PPP2R2B: variants seen among roughly 807,000 people sequenced by gnomAD.
PPP2R2B encodes protein phosphatase 2 regulatory subunit Bbeta.
Under a neutral mutation model 46.0 loss-of-function variants are expected in PPP2R2B, and 5 were observed. That is an observed-to-expected ratio of 0.11 (90% CI 0.06 to 0.23). The LOEUF (loss-of-function observed/expected upper bound fraction) is 0.23, where lower values mean the gene tolerates loss of function less well. Among genes scored for constraint, PPP2R2B ranks in the 10% least tolerant of loss-of-function variants. PPP2R2B has a pLI of 1.00. For missense variants in PPP2R2B, 367 were observed against 575.0 expected, an observed-to-expected ratio of 0.64 and a Z score of 3.70; for synonymous variants, 215 against 206.7, an observed-to-expected ratio of 1.04 and a Z score of -0.34.
intron 2 of PPP2R2B, among the ~76,000 whole-genome samples, chr5:146,749,591 TTTTTC>T (rs1394317653): frequency 7.9e-5 from 12 of 151,796 alleles, no homozygotes; most frequent in East Asian, 5.8e-4. Flanking sequence ...AGATTTCCTT[TTTTTC>T]TTTTCTTTTC....
chr5:146,988,850 C>T (rs969780122), intron 1 of PPP2R2B, among the ~76,000 whole-genome samples: 20 of 151,418 alleles, frequency 1.3e-4, no homozygotes, highest in East Asian at 3.9e-4. Flanking sequence ...ACAGACAAAA[C>T]GAATAATCCT....
In PPP2R2B at chr5:146,761,752, T is replaced by C. The variant is rs138466696; in HGVS notation, c.71-60610A>G. Among the ~76,000 whole-genome samples the C allele has an allele frequency of 3.6e-3, 555 of 152,302 alleles. 6 individuals are homozygous for C. Among genetic ancestry groups the C allele is most frequent in the African/African-American group, 0.013 (530 of 41,550 alleles). On this transcript the variant is annotated intron_variant, in intron 2 of 9. Transcript: ENST00000394411. Reference sequence around the variant, plus strand: ...AACCTCAGTTTTCTGATCAATAAGATGGAAAATAATAATTACAGTATGAGG... The same window carrying C: ...AACCTCAGTTTTCTGATCAATAAGACGGAAAATAATAATTACAGTATGAGG...
chr5:146,862,931 T>A (rs1403300541), intron 2 of PPP2R2B, among the ~76,000 whole-genome samples: 1 of 149,266 alleles, frequency 6.7e-6, no homozygotes, highest in African/African-American at 2.5e-5. Flanking sequence ...ATAGGAAAAA[T>A]TCTGATCAGA....
chr5:146,885,088 G>A (rs547752239), intron 1 of PPP2R2B, among the ~76,000 whole-genome samples: 1 of 152,208 alleles, frequency 6.6e-6, no homozygotes, highest in Admixed American at 6.5e-5. Flanking sequence ...GCAAATTATT[G>A]ATTCATTTAT....
intron 1 of PPP2R2B, among the ~76,000 whole-genome samples, chr5:147,003,600 C>T (rs1754291227): frequency 6.6e-6 from 1 of 152,130 alleles, no homozygotes; most frequent in African/African-American, 2.4e-5. Context: ...GTATCTTAGT[C>T]AAGTAAACAA....
chr5:146,665,083 G>A (rs1202691742), intron 5 of PPP2R2B, among the ~76,000 whole-genome samples: 3 of 152,130 alleles, frequency 2.0e-5, no homozygotes, highest in Non-Finnish European at 4.4e-5. Flanking sequence ...AGGGCCCCAG[G>A]ACTTTCAGAA....
intron 1 of PPP2R2B, among the ~76,000 whole-genome samples, chr5:147,038,796 G>GA (rs976342033): frequency 4.6e-5 from 7 of 152,120 alleles, no homozygotes; most frequent in African/African-American, 1.2e-4. Context: ...CTAGTAGGTA[G>GA]AAAAATCCAG....
intron 2 of PPP2R2B, among the ~76,000 whole-genome samples, chr5:146,859,927 T>C (rs1336219459): frequency 6.6e-6 from 1 of 151,944 alleles, no homozygotes; most frequent in Non-Finnish European, 1.5e-5. Flanking sequence ...AGAAATTCTA[T>C]CTGAAGTTTA....
intron 6 of PPP2R2B, among the ~76,000 whole-genome samples, chr5:146,647,370 T>G (rs1294486925): frequency 1.3e-5 from 2 of 152,174 alleles, no homozygotes; most frequent in Non-Finnish European, 2.9e-5. Context: ...GTGGCTGGTA[T>G]TTTTCTGAGA....
In PPP2R2B at chr5:146,934,381, G is replaced by A. The variant is rs564710931; in HGVS notation, c.79+121284C>T. 3.3e-5 allele frequency among the ~76,000 whole-genome samples: 5 copies of A among 151,300 alleles called. No individual in the cohort carries two copies. In the East Asian group the frequency reaches 9.7e-4, roughly 29 times the overall value. ...TTTTTAATGATTGCCATTCTAACTG[G>A]TGTGAGATGATATCTCATTGTGGTT... On this transcript the variant is annotated intron_variant, in intron 1 of 8. Transcript: ENST00000336640.
In PPP2R2B at chr5:147,023,888, T is replaced by C. The variant is rs1755400931; in HGVS notation, c.79+31777A>G. Among the ~76,000 whole-genome samples, 4 of 151,826 alleles carry C rather than the reference T, an allele frequency of 2.6e-5. No individual in the cohort carries two copies. In the South Asian group the frequency reaches 6.2e-4, roughly 24 times the overall value. On this transcript the variant is annotated intron_variant, in intron 1 of 8. Coordinates refer to the PPP2R2B transcript ENST00000336640. ...TTTGCTCTTTCCTGGAGATGGGACA[T>C]CCATCTTTTGCCCCCAGGCATCAAA...
chr5:146,648,985 G>A, intron 6 of PPP2R2B, among the ~76,000 whole-genome samples: 1 of 152,264 alleles, frequency 6.6e-6, no homozygotes, highest in Non-Finnish European at 1.5e-5. Context: ...CTACTGGAAT[G>A]TTTTTTATCA....
intron 5 of PPP2R2B, among the ~76,000 whole-genome samples, chr5:146,672,557 C>T (rs894244653): frequency 1.3e-5 from 2 of 152,076 alleles, no homozygotes; most frequent in Non-Finnish European, 2.9e-5. Flanking sequence ...AGACTTTGTT[C>T]GCATGTACCA....
intron 4 of PPP2R2B, among the ~76,000 whole-genome samples, chr5:146,695,910 A>T (rs952973375): frequency 1.3e-5 from 2 of 152,174 alleles, no homozygotes; most frequent in Non-Finnish European, 2.9e-5. Flanking sequence ...GAACATGGGA[A>T]TTTTTCTTAG....
At chr5:146,862,832 A>AC (rs1247363473) in intron 2 of PPP2R2B, among the ~76,000 whole-genome samples, 7 of 150,556 alleles carry the variant, frequency 4.6e-5, no homozygotes, top group African/African-American at 9.8e-5. Context: ...TGAGTGACTC[A>AC]AAGGCAACCT....
intron 2 of PPP2R2B, among the ~76,000 whole-genome samples, chr5:146,806,056 T>G (rs1231491678): frequency 2.0e-5 from 3 of 152,214 alleles, no homozygotes; most frequent in African/African-American, 7.2e-5. Context: ...GATAACATTT[T>G]ACTCATCCTG....
rs987280009 is a variant in PPP2R2B at position 146,586,611 on chromosome 5, G to A, written c.*3336C>T. 6.6e-6 allele frequency: 1 copy of A among 152,146 alleles called. No homozygotes were observed. Among genetic ancestry groups the A allele is most frequent in the Non-Finnish European group, 1.5e-5 (1 of 68,026 alleles). The allele number at this position is 152,146 out of a possible 1,614,324, so 9.4% of individuals were successfully genotyped here. A position where few individuals can be genotyped will look rare whatever the true frequency, so the allele number is the denominator to read the frequency against. ...GGGCCACTGAGCTAGCAGAATTTTA[G>A]CTTCATCTTTATTCCACCTTGCAAT... On this transcript the variant is annotated 3_prime_UTR_variant, in exon 10 of 10. Transcript: ENST00000394411.
At chr5:147,003,307 A>G (rs927000737) in intron 1 of PPP2R2B, among the ~76,000 whole-genome samples, 14 of 151,954 alleles carry the variant, frequency 9.2e-5, no homozygotes, top group African/African-American at 3.4e-4. Flanking sequence ...CAAAGGACCA[A>G]AAAAACCCCC....
chr5:147,044,272 C>T (rs1466477201), intron 1 of PPP2R2B, among the ~76,000 whole-genome samples: 1 of 152,130 alleles, frequency 6.6e-6, no homozygotes, highest in Non-Finnish European at 1.5e-5. Flanking sequence ...CTTAGGCATA[C>T]TTGGCATTGT....
Sources: allele counts gnomAD v4.1 joint callset (sites outside exome capture counted in the v4.1 genomes callset), GRCh38; gene constraint gnomAD v4.1.1; transcripts MANE v1.5; gene names NCBI Gene and HGNC (gene_info 2026-07-23, HGNC 2026-07-21).